Variants in ENPP2 observed in about 807,000 individuals in gnomAD.
ENPP2 encodes the protein autotaxin.
In ENPP2, 51 loss-of-function variants were observed where a neutral mutation model predicts 120.2. The ratio of observed to expected loss-of-function variants is 0.42; its 90% confidence interval spans 0.34 to 0.54. The LOEUF (loss-of-function observed/expected upper bound fraction) is 0.54. ENPP2 is among the 20% of genes least tolerant of loss of function. The pLI is 0.04. For synonymous variants in ENPP2, 365 were observed against 366.4 expected, an observed-to-expected ratio of 1.00 and a Z score of 0.04; for missense variants, 920 against 1,066.5, an observed-to-expected ratio of 0.86 and a Z score of 1.91.
intron 9 of ENPP2, among the ~76,000 whole-genome samples, chr8:119,605,017 C>G (rs1814600586): frequency 6.6e-6 from 1 of 152,132 alleles, no homozygotes; most frequent in Admixed American, 6.5e-5. Flanking sequence ...TTGTGATCCA[C>G]CCACCTTGGC....
At position 119,562,276 on chromosome 8, in the gene ENPP2, C is replaced by A. The variant is rs1380366130; in HGVS notation, c.2421+581G>T. ...TGACCAACATGGTGAAACCCCATCT[C>A]TACTAAAAATACAAAAATTAGCTGG... On this transcript the variant is annotated intron_variant, in intron 24 of 24. Coordinates refer to ENST00000075322, the MANE Select transcript of ENPP2 (RefSeq NM_001040092.3). 2.0e-5 allele frequency among the ~76,000 whole-genome samples: 3 copies of A among 151,920 alleles called. No homozygotes were observed. In the South Asian group the frequency reaches 6.2e-4, roughly 32 times the overall value.
intron 2 of ENPP2, among the ~76,000 whole-genome samples, chr8:119,636,447 T>G (rs1050988290): frequency 1.3e-5 from 2 of 152,212 alleles, no homozygotes; most frequent in African/African-American, 4.8e-5. Flanking sequence ...TGCATTGTAT[T>G]CTAAGACTAA....
At chr8:119,611,357 G>A (rs1815092758) in intron 8 of ENPP2, among the ~76,000 whole-genome samples, 1 of 152,214 alleles carries the variant, frequency 6.6e-6, no homozygotes, top group African/African-American at 2.4e-5. Context: ...GGGGATCGGT[G>A]GAGCACTTGC....
chr8:119,565,485 G>T (rs1261380245), intron 22 of ENPP2, among the ~76,000 whole-genome samples: 1 of 152,146 alleles, frequency 6.6e-6, no homozygotes, highest in Non-Finnish European at 1.5e-5. Flanking sequence ...TCAAGCAAAA[G>T]AATTTTAATG....
chr8:119,596,116 C>G, intron 11 of ENPP2: 1 of 942,536 alleles, frequency 1.1e-6, no homozygotes, highest in African/African-American at 1.7e-5. Flanking sequence ...AACTAAGGCT[C>G]CTTAAGTGAG....
chr8:119,566,037 T>C (rs953996437), intron 22 of ENPP2, among the ~76,000 whole-genome samples: 3 of 152,074 alleles, frequency 2.0e-5, no homozygotes, highest in Non-Finnish European at 2.9e-5. Context: ...TCCTGTCCCC[T>C]GACTTTTCCC....
chr8:119,622,329 G>C (rs1815963240), intron 3 of ENPP2, among the ~76,000 whole-genome samples: 1 of 152,140 alleles, frequency 6.6e-6, no homozygotes, highest in African/African-American at 2.4e-5. Flanking sequence ...TCCTAAATAG[G>C]ATGTGAAGAG....
chr8:119,612,995 T>C (rs1815218543), intron 8 of ENPP2, among the ~76,000 whole-genome samples: 1 of 152,230 alleles, frequency 6.6e-6, no homozygotes, highest in African/African-American at 2.4e-5. Context: ...GATGGGGTAT[T>C]AAACTTGTTT....
At chr8:119,636,818 C>T (rs1224038683) in intron 2 of ENPP2, among the ~76,000 whole-genome samples, 2 of 151,612 alleles carry the variant, frequency 1.3e-5, no homozygotes, top group Non-Finnish European at 2.9e-5. Flanking sequence ...AAGTAGAAAT[C>T]ATCTAAGTCT....
At chr8:119,644,503 C>T (rs1289616716) in intron 1 of ENPP2, among the ~76,000 whole-genome samples, 1 of 148,972 alleles carries the variant, frequency 6.7e-6, no homozygotes, top group Non-Finnish European at 1.5e-5. Flanking sequence ...TATCCATTTG[C>T]TAACACCCTA....
chr8:119,608,032 G>T, intron 8 of ENPP2, 55 bp from the exon 9 acceptor site: 1 of 1,312,622 alleles, frequency 7.6e-7, no homozygotes, highest in Non-Finnish European at 1.1e-6. Flanking sequence ...TGTCAAAGAA[G>T]AAAAAGTTTT....
At chr8:119,662,114 T>C (rs1432672764) in intron 1 of ENPP2, among the ~76,000 whole-genome samples, 2 of 152,138 alleles carry the variant, frequency 1.3e-5, no homozygotes, top group African/African-American at 4.8e-5. Context: ...AACTCTATTA[T>C]ACAGCATGGT....
chr8:119,653,112 G>A (rs562934456), intron 1 of ENPP2, among the ~76,000 whole-genome samples: 76 of 152,250 alleles, frequency 5.0e-4, no homozygotes, highest in South Asian at 1.2e-3. Context: ...GCCAGACTCC[G>A]TCTAGATTGT....
At chr8:119,588,884 C>G (rs1465576236) in intron 13 of ENPP2, among the ~76,000 whole-genome samples, 2 of 152,268 alleles carry the variant, frequency 1.3e-5, no homozygotes, top group South Asian at 4.2e-4. Context: ...GCTAACAGTC[C>G]TCATTTTGTG....
At chr8:119,670,152 C>A (rs74380426) in intron 1 of ENPP2, among the ~76,000 whole-genome samples, 1,974 of 152,242 alleles carry the variant, frequency 0.013, 45 homozygotes, top group African/African-American at 0.045. Flanking sequence ...GCCTTTCTTG[C>A]AGCTCTTTCT....
intron 12 of ENPP2, among the ~76,000 whole-genome samples, chr8:119,591,096 C>G (rs1813477127): frequency 6.7e-6 from 1 of 150,124 alleles, no homozygotes; most frequent in South Asian, 2.1e-4. Flanking sequence ...TACAAAATGT[C>G]ATTTTCCAAC....
chr8:119,610,305 T>A (rs1222836876), intron 8 of ENPP2, among the ~76,000 whole-genome samples: 2 of 152,180 alleles, frequency 1.3e-5, no homozygotes, highest in Admixed American at 1.3e-4. Context: ...TGCCTGTTTC[T>A]TGGTAAAAGT....
chr8:119,657,843 C>T (rs1040344396), intron 1 of ENPP2, among the ~76,000 whole-genome samples: 41 of 152,142 alleles, frequency 2.7e-4, no homozygotes, highest in African/African-American at 9.9e-4. Flanking sequence ...TGGACTCTTG[C>T]TGTCTTGCCC....
chr8:119,593,070 C>A (rs1813652478), intron 12 of ENPP2: 1 of 341,960 alleles, frequency 2.9e-6, no homozygotes, highest in Non-Finnish European at 4.1e-6. Flanking sequence ...GTCTGCATGT[C>A]TCTGAGCCCC....
Sources: gnomAD v4.1 joint callset for allele counts (sites outside exome capture counted in the v4.1 genomes callset) on GRCh38, gnomAD v4.1.1 for gene constraint, MANE v1.5 for transcripts, NCBI Gene and HGNC (gene_info 2026-07-23, HGNC 2026-07-21) for gene names.